Variants in P4HTM observed in about 807,000 individuals in gnomAD.
The protein encoded by P4HTM is transmembrane prolyl 4-hydroxylase.
P4HTM carries 33 observed loss-of-function variants against 55.3 expected under a neutral mutation model. The ratio of observed to expected loss-of-function variants is 0.60; its 90% CI spans 0.45 to 0.80. P4HTM has a LOEUF of 0.80. Ranked by LOEUF, P4HTM falls within the 30% of genes least tolerant of loss-of-function variation. The pLI, the probability that P4HTM is intolerant of heterozygous loss-of-function variation, is 0.00. For synonymous variants in P4HTM, 272 were observed against 286.4 expected, an observed-to-expected ratio of 0.95 and a Z score of 0.51; for missense variants, 542 against 696.5, an observed-to-expected ratio of 0.78 and a Z score of 2.50.
intron 2 of P4HTM, among the ~76,000 whole-genome samples, chr3:48,996,965 G>A (rs1258369198): frequency 1.3e-5 from 2 of 152,178 alleles, no homozygotes; most frequent in African/African-American, 4.8e-5. Flanking sequence ...ATAGACAGCT[G>A]CCTGGGAGCC....
chr3:48,990,691 C>T lies in P4HTM; in HGVS notation c.354+81C>T, dbSNP rs966813690. The T allele has an allele frequency of 6.2e-6, 9 of 1,458,274 alleles. No homozygotes were observed. The highest frequency in any genetic ancestry group is 8.2e-6 in the Non-Finnish European group (9 of 1,096,314). The allele number at this position is 1,458,274 out of a possible 1,614,324, so 90.3% of individuals were successfully genotyped here. A position where few individuals can be genotyped will look rare whatever the true frequency, so the allele number is the denominator to read the frequency against. ...GACCGGCGCTCAGCCCGGGTCCCCA[C>T]GCTGCCCCCGGCGCTGCTCTGCGTC... On this transcript the variant is annotated intron_variant, in intron 1 of 8. Coordinates refer to ENST00000383729, the MANE Select transcript of P4HTM (RefSeq NM_177939.3). The surrounding 1 kb of genome is among the most constrained non-coding windows in gnomAD (Gnocchi z 7.2).
In P4HTM at chr3:49,005,236, G is replaced by A. The variant is rs1008361768; in HGVS notation, c.1073+190G>A. 3.9e-6 allele frequency: 6 copies of A among 1,531,062 alleles called. No homozygotes were observed. The African/African-American group carries it at 6.8e-5, about 17-fold the overall frequency. The allele number at this position is 1,531,062 out of a possible 1,614,324, so 94.8% of individuals were successfully genotyped here. On this transcript the variant is annotated intron_variant, in intron 6 of 8. Coordinates refer to ENST00000383729, the MANE Select transcript of P4HTM (RefSeq NM_177939.3). ...AATGGCTGGAAAGGGGTGGCTACTGGTCATCGTGACCACTGGAGTCAACAC... is the reference window on the plus strand; with the variant it reads ...AATGGCTGGAAAGGGGTGGCTACTGATCATCGTGACCACTGGAGTCAACAC...
chr3:49,000,792 G>A (rs2092958716), intron 2 of P4HTM, among the ~76,000 whole-genome samples: 1 of 152,184 alleles, frequency 6.6e-6, no homozygotes, highest in Non-Finnish European at 1.5e-5. Context: ...TAGGCACTAA[G>A]TGAACATTTG....
In P4HTM at chr3:49,006,145, G is replaced by A. The variant is rs1444018618; in HGVS notation, c.1246G>A (p.Gly416Ser). ...AAACCTGCGTGTCAAGCCCCAACAG[G>A]GCACAGCAGTCTTCTGGTACAACTA... ...KGNLRVKPQQ[G>S]TAVFWYNYLP... The change falls in exon 8 of 9, where the codon GGC becomes AGC. Residue 416 changes from glycine (G) to serine (S), a missense_variant. Transcript: ENST00000383729. 3 of 1,612,816 alleles carry A rather than the reference G, an allele frequency of 1.9e-6. No individual in the cohort carries two copies. Among genetic ancestry groups the A allele is most frequent in the Non-Finnish European group, 2.5e-6 (3 of 1,179,898 alleles).
intron 6 of P4HTM, chr3:49,005,297 CT>C (rs1362051475): frequency 2.4e-5 from 34 of 1,441,790 alleles, no homozygotes; most frequent in Non-Finnish European, 3.0e-5. Flanking sequence ...AACTTGCCCC[CT>C]GAGTTCTGAA....
chr3:49,006,637 C>T (rs749720483), intron 8 of P4HTM, 50 bp from the exon 9 acceptor site: 3 of 1,544,984 alleles, frequency 1.9e-6, no homozygotes, highest in Non-Finnish European at 1.8e-6. Flanking sequence ...CCTATGAGGC[C>T]AAGCTCTGGC....
chr3:48,990,757 C>T lies in P4HTM; in HGVS notation c.355-76C>T. The T allele has an allele frequency of 6.5e-7, 1 of 1,536,194 alleles. No homozygotes were observed. Among genetic ancestry groups the T allele is most frequent in the South Asian group, 1.1e-5 (1 of 87,324 alleles). The stretch of plus-strand genomic sequence containing the variant: ...CACTCACTCGCCTGCTGTCGCTCTC[C>T]GGGCCGGGGCGACTTGGCCCTTCTT... On this transcript the variant is annotated intron_variant, in intron 1 of 8. Transcript: ENST00000383729. This position sits in a 1 kb window ranked among gnomAD's most constrained non-coding sequence, Gnocchi z 7.2.
At position 49,001,533 on chromosome 3, in the gene P4HTM, G is replaced by A. The variant is rs1262002920; in HGVS notation, c.532G>A (p.Glu178Lys). 7 of 1,613,792 alleles carry A rather than the reference G, an allele frequency of 4.3e-6. No individual in the cohort carries two copies. Among genetic ancestry groups the A allele is most frequent in the East Asian group, 2.2e-5 (1 of 44,900 alleles). ...GCGCAGCCAGATCCTGCCTACTGAA[G>A]AGTATGAAGAGGCAATGAGCACTAT... Reference protein sequence around the residue: ...LQRSQILPTEEYEEAMSTMQV... With the variant: ...LQRSQILPTEKYEEAMSTMQV... Residue 178 changes from glutamate (E) to lysine (K), a missense_variant, in exon 3 of 9, where the codon GAG becomes AAG. This residue lies in a region of P4HTM where 536 missense variants were observed against 672.1 expected (regional missense o/e 0.80). Coordinates refer to ENST00000383729, the MANE Select transcript of P4HTM (RefSeq NM_177939.3).
Position 49,001,590 on chromosome 3 carries a change from C to G in P4HTM, c.589C>G (p.Leu197Val). Residue 197 changes from leucine (L) to valine (V), a missense_variant, in exon 3 of 9, where the codon CTG (leucine) becomes GTG (valine). Coordinates refer to ENST00000383729, the MANE Select transcript of P4HTM (RefSeq NM_177939.3). ...CAGCCAGCTGGACCTCTTCCGGCTG[C>G]TGGACCAGAACCGTGATGGGCACCT... ...QVSQLDLFRL[L>V]DQNRDGHLQL... 1 of 1,613,470 alleles carries G rather than the reference C, an allele frequency of 6.2e-7. No individual in the cohort carries two copies. Among genetic ancestry groups the G allele is most frequent in the Non-Finnish European group, 8.5e-7 (1 of 1,179,782 alleles).
At position 49,006,802 on chromosome 3, in the gene P4HTM, G is replaced by A. The variant is rs1440469603; in HGVS notation, c.1404G>A (p.Ala468=). 1.9e-6 allele frequency: 3 copies of A among 1,613,518 alleles called. No individual in the cohort carries two copies. The highest frequency in any genetic ancestry group is 1.6e-4 in the Middle Eastern group (1 of 6,062). ...INVDPSRARQ[A]LFQQEMARLA... is the part of the protein sequence containing the mutation. ...TGGACCCCAGCCGAGCGCGGCAAGC[G>A]CTGTTCCAACAGGAGATGGCCCGCC... Residue 468 remains alanine (A), a synonymous_variant, in exon 9 of 9, where the codon GCG becomes GCA. Transcript: ENST00000383729.
At chr3:49,000,140 G>A (rs185682425) in intron 2 of P4HTM, among the ~76,000 whole-genome samples, 31 of 152,290 alleles carry the variant, frequency 2.0e-4, no homozygotes, top group African/African-American at 5.8e-4. Context: ...GAATTAATGG[G>A]GCCTGGCCTC....
intron 2 of P4HTM, chr3:48,998,243 G>A (rs573505116): frequency 1.3e-5 from 2 of 152,532 alleles, no homozygotes; most frequent in African/African-American, 4.8e-5. Flanking sequence ...CATGGCCCAA[G>A]GGGAAGCGTC....
At position 48,990,526 on chromosome 3, in the gene P4HTM, C is replaced by T; in HGVS notation, c.270C>T (p.Ser90=). ...TGCACTACAGCAACGGCGACGAAAG[C>T]AGCGATCCCGGGCCCCAACACCGTG... The part of the protein sequence containing the change: ...LFVHYSNGDE[S]SDPGPQHRAQ... Residue 90 remains serine (S), a synonymous_variant, in exon 1 of 9, where the codon AGC becomes AGT. Coordinates refer to ENST00000383729, the MANE Select transcript of P4HTM (RefSeq NM_177939.3). This position sits in a 1 kb window ranked among gnomAD's most constrained non-coding sequence, Gnocchi z 7.2. 1 of 1,611,070 alleles carries T rather than the reference C, an allele frequency of 6.2e-7. No homozygotes were observed. The highest frequency in any genetic ancestry group is 2.2e-5 in the East Asian group (1 of 44,780).
In P4HTM at chr3:49,006,213, G is replaced by A. The variant is rs765142473; in HGVS notation, c.1288+26G>A. On this transcript the variant is annotated intron_variant, in intron 8 of 8. Coordinates refer to ENST00000383729, the MANE Select transcript of P4HTM (RefSeq NM_177939.3). ...GTGAGGGCCTATGGCCAGGCCTGGGGGGGGTGCCCTGAGTACAGCTTCCCT... is the reference window on the plus strand; with the variant it reads ...GTGAGGGCCTATGGCCAGGCCTGGGAGGGGTGCCCTGAGTACAGCTTCCCT... 1.9e-6 allele frequency: 3 copies of A among 1,600,104 alleles called. No homozygotes were observed. The African/African-American group carries it at 4.0e-5, about 21-fold the overall frequency.
intron 5 of P4HTM, 69 bp from the exon 6 acceptor site, chr3:49,004,792 A>G (rs1259360765): frequency 7.3e-6 from 11 of 1,516,674 alleles, no homozygotes; most frequent in South Asian, 1.2e-5. Flanking sequence ...CCTAGGGTCC[A>G]CCTTGGCCAG....
chr3:48,990,704 G>A lies in P4HTM; in HGVS notation c.354+94G>A. On this transcript the variant is annotated intron_variant, in intron 1 of 8. Transcript: ENST00000383729. The surrounding 1 kb of genome is among the most constrained non-coding windows in gnomAD (Gnocchi z 7.2). ...CCCGGGTCCCCACGCTGCCCCCGGC[G>A]CTGCTCTGCGTCGGTCCCGCGCGCT... The A allele has an allele frequency of 6.8e-7, 1 of 1,460,194 alleles. No individual in the cohort carries two copies. The highest frequency in any genetic ancestry group is 9.2e-7 in the Non-Finnish European group (1 of 1,091,612). 90.5% of individuals were successfully genotyped at this position (1,460,194 alleles called of 1,614,324 possible).
In P4HTM at chr3:49,004,253, C is replaced by CGCCAGAGG; in HGVS notation, c.881_887+1dup. The CGCCAGAGG allele has an allele frequency of 6.5e-7, 1 of 1,547,180 alleles. No individual in the cohort carries two copies. Among genetic ancestry groups the CGCCAGAGG allele is most frequent in the Non-Finnish European group, 8.7e-7 (1 of 1,145,858 alleles). ...TGCCCACCACATCATGCGTGCCATC[C>CGCCAGAGG]GCCAGAGGTGAGCACCTGAAGCTGT... On this transcript the variant is annotated frameshift_variant, in exon 5 of 9. Coordinates refer to ENST00000383729, the MANE Select transcript of P4HTM (RefSeq NM_177939.3). LOFTEE classifies it high-confidence loss of function.
chr3:49,001,041 A>C (rs1306831908), intron 2 of P4HTM: 2 of 289,402 alleles, frequency 6.9e-6, no homozygotes, highest in Non-Finnish European at 1.4e-5. Context: ...AAATGAAAGC[A>C]AGAAGCAGCC....
Position 48,999,209 on chromosome 3 carries a change from G to C in P4HTM, c.437-2229G>C, listed in dbSNP as rs1226092051. ...GAGCCACCAGAGCAGGGCCCTGAGGGAGCCCTCCAGGGCCCTGCACCTGGA... is the reference window on the plus strand; with the variant it reads ...GAGCCACCAGAGCAGGGCCCTGAGGCAGCCCTCCAGGGCCCTGCACCTGGA... On this transcript the variant is annotated intron_variant, in intron 2 of 8. Transcript: ENST00000383729. This position sits in a 1 kb window ranked among gnomAD's most constrained non-coding sequence, Gnocchi z 4.8. 6.6e-6 allele frequency: 1 copy of C among 152,172 alleles called. No individual in the cohort carries two copies. The highest frequency in any genetic ancestry group is 6.5e-5 in the Admixed American group (1 of 15,280). 9.4% of individuals were successfully genotyped at this position (152,172 alleles called of 1,614,324 possible).
Sources: gnomAD v4.1 joint callset for allele counts (sites outside exome capture counted in the v4.1 genomes callset) on GRCh38, gnomAD v4.1.1 for gene constraint, gnomAD v4.1.1 regional missense constraint, Gnocchi (gnomAD v3.1) non-coding constraint, MANE v1.5 for transcripts, NCBI Gene and HGNC (gene_info 2026-07-23, HGNC 2026-07-21) for gene names.